Variants in CYYR1 observed in about 807,000 individuals in gnomAD.
CYYR1 encodes the protein cysteine and tyrosine rich 1.
Under a neutral mutation model 15.2 loss-of-function variants are expected in CYYR1, and 14 were observed. That is an observed-to-expected ratio of 0.92 (90% CI 0.61 to 1.44). The LOEUF (loss-of-function observed/expected upper bound fraction) is 1.44, where lower values mean the gene tolerates loss of function less well. CYYR1 is among the 40% of genes most tolerant of loss of function. The pLI is 0.00. For synonymous variants in CYYR1, 80 were observed against 77.4 expected (o/e 1.03, Z -0.18); for missense variants, 228 against 209.5 (o/e 1.09, Z -0.54).
intron 2 of CYYR1, among the ~76,000 whole-genome samples, chr21:26,524,619 C>G (rs547168931): frequency 1.1e-5 from 1 of 89,904 alleles, no homozygotes; most frequent in South Asian, 4.1e-4. Context: ...AACCTGGAAG[C>G]CAACCACTTA....
chr21:26,524,726 A>T (rs766586609), intron 2 of CYYR1, among the ~76,000 whole-genome samples: 2 of 152,226 alleles, frequency 1.3e-5, no homozygotes, highest in Non-Finnish European at 2.9e-5. Flanking sequence ...CACTTAGCAA[A>T]TAACCATGTA....
In CYYR1 at chr21:26,552,377, C is replaced by T. The variant is rs555057495; in HGVS notation, c.176+13889G>A. 6.6e-5 allele frequency among the ~76,000 whole-genome samples: 10 copies of T among 152,166 alleles called. No homozygotes were observed. The East Asian group carries it at 1.9e-3, about 29-fold the overall frequency. On this transcript the variant is annotated intron_variant, in intron 2 of 3. Transcript: ENST00000652641. ...TTTTCCATCCTTTTACTTAAGTTAG[C>T]TATTTCAGTAGAGTTGAAATGAATA...
chr21:26,562,753 CACACA>C (rs1980302360), intron 2 of CYYR1, among the ~76,000 whole-genome samples: 1 of 147,804 alleles, frequency 6.8e-6, no homozygotes, highest in Non-Finnish European at 1.5e-5. Context: ...CACACACACA[CACACA>C]CAGAGACATA....
intron 2 of CYYR1, among the ~76,000 whole-genome samples, chr21:26,514,744 C>A (rs564369632): frequency 1.3e-5 from 2 of 152,238 alleles, no homozygotes; most frequent in Admixed American, 1.3e-4. Flanking sequence ...TGTAATAAGG[C>A]TTTTATTCAC....
chr21:26,510,318 T>G (rs770764693), intron 2 of CYYR1, among the ~76,000 whole-genome samples: 1 of 152,184 alleles, frequency 6.6e-6, no homozygotes, highest in Admixed American at 6.5e-5. Flanking sequence ...GTTAGAGCCA[T>G]AGAGAATGCT....
chr21:26,482,864 T>C (rs2065200770), intron 2 of CYYR1, among the ~76,000 whole-genome samples: 1 of 152,056 alleles, frequency 6.6e-6, no homozygotes, highest in Admixed American at 6.6e-5. Flanking sequence ...TTACTCTTGG[T>C]ATTCTAAAAT....
intron 2 of CYYR1, among the ~76,000 whole-genome samples, chr21:26,505,974 A>G (rs1181103628): frequency 6.6e-6 from 1 of 152,188 alleles, no homozygotes; most frequent in Non-Finnish European, 1.5e-5. Flanking sequence ...ACAGCAGTAC[A>G]ATATATACAT....
At chr21:26,541,570 A>G (rs1175358884) in intron 2 of CYYR1, among the ~76,000 whole-genome samples, 1 of 152,228 alleles carries the variant, frequency 6.6e-6, no homozygotes, top group Non-Finnish European at 1.5e-5. Context: ...GAACAGAAAC[A>G]GTGGTAACTC....
intron 3 of CYYR1, among the ~76,000 whole-genome samples, chr21:26,474,797 T>C (rs1860872502): frequency 6.6e-6 from 1 of 152,206 alleles, no homozygotes; most frequent in Non-Finnish European, 1.5e-5. Flanking sequence ...TCTAGAATAC[T>C]CATTCCACTG....
chr21:26,531,399 A>C (rs950816675), intron 2 of CYYR1, among the ~76,000 whole-genome samples: 1 of 152,162 alleles, frequency 6.6e-6, no homozygotes, highest in Admixed American at 6.5e-5. Flanking sequence ...CCCAAATCTC[A>C]TGTCAAACTA....
intron 2 of CYYR1, among the ~76,000 whole-genome samples, chr21:26,520,144 A>G (rs1023207953): frequency 2.7e-5 from 4 of 145,680 alleles, no homozygotes; most frequent in African/African-American, 1.0e-4. Context: ...ATATATATGC[A>G]GAAAGTGCAG....
At chr21:26,484,348 T>C (rs2065223903) in intron 2 of CYYR1, among the ~76,000 whole-genome samples, 1 of 152,116 alleles carries the variant, frequency 6.6e-6, no homozygotes, top group Non-Finnish European at 1.5e-5. Flanking sequence ...GGATATTTTC[T>C]CTCTAACACT....
intron 2 of CYYR1, among the ~76,000 whole-genome samples, chr21:26,509,978 GATGCA>G (rs1280841022): frequency 6.6e-6 from 1 of 152,192 alleles, no homozygotes. Context: ...GATGCAGTGT[GATGCA>G]ATGTAGGGAG....
Position 26,468,319 on chromosome 21 carries a change from G to T in CYYR1, c.*182C>A. On this transcript the variant is annotated 3_prime_UTR_variant, in exon 4 of 4. Transcript: ENST00000652641. Reference sequence around the variant, plus strand: ...CATAGAACCAAACATTAATACTCCAGATGGGGTCAGCTTTGAGCAGAGTAG... The same window carrying T: ...CATAGAACCAAACATTAATACTCCATATGGGGTCAGCTTTGAGCAGAGTAG... 1 of 636,598 alleles carries T rather than the reference G, an allele frequency of 1.6e-6. No homozygotes were observed. The highest frequency in any genetic ancestry group is 2.9e-6 in the Non-Finnish European group (1 of 350,836). The allele number at this position is 636,598 out of a possible 1,614,324, so 39.4% of individuals were successfully genotyped here.
intron 2 of CYYR1, among the ~76,000 whole-genome samples, chr21:26,530,787 T>C (rs944735434): frequency 1.3e-5 from 2 of 152,222 alleles, no homozygotes; most frequent in Non-Finnish European, 2.9e-5. Flanking sequence ...GCAAAGGACA[T>C]GAACTCATCC....
Position 26,573,197 on chromosome 21 carries a change from C to T in CYYR1, c.-257G>A, listed in dbSNP as rs1409404663. The T allele has an allele frequency of 6.9e-7, 1 of 1,453,468 alleles. No individual in the cohort carries two copies. The highest frequency in any genetic ancestry group is 1.2e-5 in the South Asian group (1 of 81,992). The allele number at this position is 1,453,468 out of a possible 1,614,324, so 90.0% of individuals were successfully genotyped here. On this transcript the variant is annotated 5_prime_UTR_variant, in exon 1 of 4. Transcript: ENST00000652641. ...GGGGGCCCAGGTCTCTTTGTCTCGC[C>T]CCACTGCGCTCAGGCGCGGGGAAGG...
chr21:26,550,170 T>C (rs781551216), intron 2 of CYYR1: 3 of 152,206 alleles, frequency 2.0e-5, no homozygotes, highest in Admixed American at 1.3e-4. Flanking sequence ...GTAATTGTGA[T>C]CAGTGATCTT....
intron 2 of CYYR1, among the ~76,000 whole-genome samples, chr21:26,518,953 C>T (rs767738642): frequency 2.0e-5 from 3 of 152,200 alleles, no homozygotes; most frequent in South Asian, 2.1e-4. Context: ...ACCATCCTTG[C>T]TCCTTCACTC....
At chr21:26,547,523 A>G (rs1327440135) in intron 2 of CYYR1, among the ~76,000 whole-genome samples, 1 of 152,120 alleles carries the variant, frequency 6.6e-6, no homozygotes, top group African/African-American at 2.4e-5. Flanking sequence ...AAGATCATCC[A>G]CACTTCCCCA....
Sources: allele counts gnomAD v4.1 joint callset (sites outside exome capture counted in the v4.1 genomes callset), GRCh38; gene constraint gnomAD v4.1.1; transcripts MANE v1.5; gene names NCBI Gene and HGNC (gene_info 2026-07-23, HGNC 2026-07-21).